STYXL1: variants seen among roughly 807,000 people sequenced by gnomAD.
STYXL1 encodes serine/threonine/tyrosine interacting like 1, also known as serine/threonine/tyrosine-interacting-like protein 1.
In STYXL1, 32 loss-of-function variants were observed where a neutral mutation model predicts 36.4. That is an observed-to-expected ratio of 0.88 (90% CI 0.66 to 1.18). The LOEUF (loss-of-function observed/expected upper bound fraction) is 1.18. Ranked by LOEUF, STYXL1 falls within the 50% of genes most tolerant of loss-of-function variation. The pLI, the probability that STYXL1 is intolerant of heterozygous loss-of-function variation, is 0.00. For synonymous variants in STYXL1, 133 were observed against 144.1 expected (o/e 0.92, Z 0.55); for missense variants, 354 against 394.1 (o/e 0.90, Z 0.86).
intron 2 of STYXL1, 122 bp from the exon 3 acceptor site, chr7:76,028,825 T>G: frequency 1.1e-6 from 1 of 919,644 alleles, no homozygotes; most frequent in Non-Finnish European, 1.7e-6. Flanking sequence ...CATTGTCAGT[T>G]TAAAACTTGA....
chr7:76,006,139 A>G (rs1554570276), intron 5 of STYXL1, among the ~76,000 whole-genome samples: 1 of 152,010 alleles, frequency 6.6e-6, no homozygotes, highest in Non-Finnish European at 1.5e-5. Context: ...TGGCTCAATC[A>G]TAGCTCGCTG....
intron 4 of STYXL1, among the ~76,000 whole-genome samples, chr7:76,015,777 TA>T (rs1415305171): frequency 1.3e-5 from 2 of 152,268 alleles, no homozygotes; most frequent in Non-Finnish European, 2.9e-5. Flanking sequence ...CAAAGGAGAT[TA>T]ACATTTGAGT....
intron 6 of STYXL1, 26 bp downstream of exon 6, chr7:76,005,233 T>C (rs978655635): frequency 1.5e-6 from 2 of 1,299,910 alleles, no homozygotes; most frequent in Non-Finnish European, 1.0e-6. Context: ...AAATGAAATA[T>C]AAATCAGTAG....
intron 5 of STYXL1, among the ~76,000 whole-genome samples, chr7:76,008,272 A>G (rs1165285784): frequency 3.3e-5 from 5 of 151,522 alleles, no homozygotes; most frequent in Non-Finnish European, 5.9e-5. Context: ...CTCCAACTGG[A>G]TAACTTGATG....
At chr7:76,032,716 A>T (rs1169254741) in intron 1 of STYXL1, among the ~76,000 whole-genome samples, 1 of 152,078 alleles carries the variant, frequency 6.6e-6, no homozygotes, top group Non-Finnish European at 1.5e-5. Flanking sequence ...ACAAACAAAC[A>T]AACAAAAACA....
At chr7:76,001,038 C>T in intron 7 of STYXL1, 36 bp from the exon 8 acceptor site, 2 of 1,549,258 alleles carry the variant, frequency 1.3e-6, no homozygotes, top group Non-Finnish European at 1.8e-6. Flanking sequence ...TCATGCCTGG[C>T]CCTCCTCCCT....
intron 1 of STYXL1, among the ~76,000 whole-genome samples, chr7:76,038,403 T>C (rs1341030319): frequency 1.4e-5 from 2 of 143,504 alleles, no homozygotes; most frequent in Non-Finnish European, 3.1e-5. Flanking sequence ...ACCTGCTTTA[T>C]GTTTGGGAAT....
chr7:76,027,017 T>C (rs953503127), intron 3 of STYXL1, among the ~76,000 whole-genome samples: 6 of 151,736 alleles, frequency 4.0e-5, no homozygotes, highest in African/African-American at 1.5e-4. Context: ...GAGCCGAAAT[T>C]GTGCCACTGC....
In STYXL1 at chr7:76,003,817, A is replaced by C; in HGVS notation, c.638T>G (p.Ile213Arg). Residue 213 changes from isoleucine to arginine, a missense_variant, in exon 7 of 9, where the codon ATA becomes AGA. Physicochemically the swap from Ile to Arg is moderately conservative, Grantham distance 97 (BLOSUM62 -3). Coordinates refer to ENST00000359697, the MANE Select transcript of STYXL1 (RefSeq NM_001317785.2). The part of the protein sequence containing the change: ...GDADKLLHIR[I>R]EDSPEAQILP... The stretch of plus-strand genomic sequence containing the variant: ...AATCTGGGCTTCCGGGGAATCTTCT[A>C]TCCGGATGTGCAGAAGCTTGTCAGC... The C allele has an allele frequency of 6.2e-7, 1 of 1,614,196 alleles. No individual in the cohort carries two copies. Among genetic ancestry groups the C allele is most frequent in the Non-Finnish European group, 8.5e-7 (1 of 1,180,042 alleles).
chr7:76,041,405 A>T (rs1218493271), intron 1 of STYXL1, among the ~76,000 whole-genome samples: 1 of 152,166 alleles, frequency 6.6e-6, no homozygotes, highest in Non-Finnish European at 1.5e-5. Context: ...GTTTGTCCCC[A>T]GCAAAACTCA....
chr7:76,013,804 A>T lies in STYXL1; in HGVS notation c.391T>A (p.Tyr131Asn). ...HHPVYILKGG[Y>N]ERFSGTYHFL... ...TGGTACGTGCCTGAGAAGCGCTCAT[A>T]GCCCCCTTTCAGGATGTAGACGGGG... The change falls in exon 5 of 9, where the codon TAT (tyrosine) becomes AAT (asparagine). Residue 131 changes from tyrosine (Y) to asparagine (N), a missense_variant. Physicochemically the swap from Tyr to Asn is moderately radical, Grantham distance 143 (BLOSUM62 -2). Coordinates refer to ENST00000359697, the MANE Select transcript of STYXL1 (RefSeq NM_001317785.2). 6.2e-7 allele frequency: 1 copy of T among 1,613,916 alleles called. No homozygotes were observed. The highest frequency in any genetic ancestry group is 8.5e-7 in the Non-Finnish European group (1 of 1,179,944).
rs1371892686 is a variant in STYXL1, at chr7:76,003,599, G to A, written c.697+159C>T. On this transcript the variant is annotated intron_variant, in intron 7 of 8. Coordinates refer to ENST00000359697, the MANE Select transcript of STYXL1 (RefSeq NM_001317785.2). Reference sequence around the variant, plus strand: ...CTCCCCAGAAGTTGGACGTGTCCTGGAGCTTGTCCCACCCAGATGGAGCAT... The same window carrying A: ...CTCCCCAGAAGTTGGACGTGTCCTGAAGCTTGTCCCACCCAGATGGAGCAT... The A allele has an allele frequency of 6.2e-6, 4 of 648,844 alleles. No individual in the cohort carries two copies. In the African/African-American group the frequency reaches 7.3e-5, roughly 12 times the overall value. 40.2% of individuals were successfully genotyped at this position (648,844 alleles called of 1,614,324 possible).
At chr7:75,999,509 G>GTGTATA (rs782747902) in intron 8 of STYXL1, among the ~76,000 whole-genome samples, 2 of 102,098 alleles carry the variant, frequency 2.0e-5, no homozygotes, top group African/African-American at 6.2e-5. Flanking sequence ...GTGTGTGTGT[G>GTGTATA]TATGTGTGTG....
At chr7:76,008,249 G>A (rs1461062231) in intron 5 of STYXL1, among the ~76,000 whole-genome samples, 8 of 140,480 alleles carry the variant, frequency 5.7e-5, no homozygotes, top group South Asian at 4.6e-4. Flanking sequence ...AAGCTCTGCA[G>A]TAGAGAAATC....
At chr7:76,044,860 G>C (rs918791513) in intron 1 of STYXL1, 1 of 152,024 alleles carries the variant, frequency 6.6e-6, no homozygotes, top group Non-Finnish European at 1.5e-5. Flanking sequence ...CACGCCCAGA[G>C]AATTTTCGTA....
At position 76,018,227 on chromosome 7, in the gene STYXL1, C is replaced by T. The variant is rs144535772; in HGVS notation, c.307+3624G>A. ...CCCTGTACCACTAATCAGCCACACCCGTTTTTCCCCAAACTCCCAGCTCCA... is the reference window on the plus strand; with the variant it reads ...CCCTGTACCACTAATCAGCCACACCTGTTTTTCCCCAAACTCCCAGCTCCA... On this transcript the variant is annotated intron_variant, in intron 4 of 8. Transcript: ENST00000359697. 4.2e-3 allele frequency among the ~76,000 whole-genome samples: 645 copies of T among 152,070 alleles called. 6 individuals are homozygous for T. The highest frequency in any genetic ancestry group is 0.014 in the African/African-American group (599 of 41,490).
intron 3 of STYXL1, among the ~76,000 whole-genome samples, chr7:76,024,061 C>G (rs1794386657): frequency 2.0e-5 from 3 of 151,982 alleles, no homozygotes; most frequent in African/African-American, 7.2e-5. Flanking sequence ...TAAACAGATG[C>G]CTTCTCAGGT....
At chr7:76,011,371 TAAAA>T (rs1283683470) in intron 5 of STYXL1, among the ~76,000 whole-genome samples, 1 of 152,234 alleles carries the variant, frequency 6.6e-6, no homozygotes, top group Non-Finnish European at 1.5e-5. Flanking sequence ...TCTGTATTTC[TAAAA>T]GATAAGGACT....
At chr7:76,022,666 AAACAAC>A (rs781921353) in intron 3 of STYXL1, among the ~76,000 whole-genome samples, 2 of 152,110 alleles carry the variant, frequency 1.3e-5, no homozygotes, top group Non-Finnish European at 2.9e-5. Context: ...CCCTGTCCCA[AAACAAC>A]AACAACAAGA....
Sources: allele counts gnomAD v4.1 joint callset (sites outside exome capture counted in the v4.1 genomes callset), GRCh38; gene constraint gnomAD v4.1.1; transcripts MANE v1.5; gene names NCBI Gene and HGNC (gene_info 2026-07-23, HGNC 2026-07-21).